Variants in APOBEC3D observed in about 807,000 individuals in gnomAD.
APOBEC3D encodes the protein DNA dC->dU-editing enzyme APOBEC-3D.
In APOBEC3D, 37 loss-of-function variants were observed where a neutral mutation model predicts 45.6. The observed-to-expected ratio is 0.81, with a 90% CI of 0.62 to 1.07. APOBEC3D has a LOEUF of 1.07. Among genes scored for constraint, APOBEC3D ranks in the 50% least tolerant of loss-of-function variants. APOBEC3D has a pLI of 0.00. For missense variants in APOBEC3D, 496 were observed against 495.3 expected, an observed-to-expected ratio of 1.00 and a Z score of -0.01; for synonymous variants, 175 against 180.7, an observed-to-expected ratio of 0.97 and a Z score of 0.25.
intron 4 of APOBEC3D, 92 bp downstream of exon 4, chr22:39,025,763 G>C: frequency 6.3e-7 from 1 of 1,586,392 alleles, no homozygotes; most frequent in Non-Finnish European, 8.6e-7. Context: ...CCTGCCCTCC[G>C]TCCTGCCCCC....
In APOBEC3D at chr22:39,025,324, C is replaced by T. The variant is rs772966727; in HGVS notation, c.465C>T (p.Ala155=). The T allele has an allele frequency of 2.5e-6, 4 of 1,613,932 alleles. No homozygotes were observed. In the African/African-American group the frequency reaches 4.0e-5, roughly 16 times the overall value. Residue 155 remains alanine (A), a synonymous_variant, in exon 3 of 7, where the codon GCC becomes GCT. Coordinates refer to ENST00000216099, the MANE Select transcript of APOBEC3D (RefSeq NM_152426.4). The part of the protein sequence containing the change: ...WVLLRLHKAG[A]RVKIMDYEDF... ...TCCTCAGGCTGCATAAGGCAGGGGC[C>T]CGTGTGAAGATCATGGACTATGAAG...
rs1237851563 is a variant in APOBEC3D at position 39,022,811 on chromosome 22, T to G, written c.18-11T>G. 1 of 1,601,182 alleles carries G rather than the reference T, an allele frequency of 6.2e-7. No individual in the cohort carries two copies. The highest frequency in any genetic ancestry group is 8.5e-7 in the Non-Finnish European group (1 of 1,174,680). ...TCCCTGCATGGGCCGGTTTCTCTCTTGTGCCTTCAGAAATCCGATGGAGCG... is the reference window on the plus strand; with the variant it reads ...TCCCTGCATGGGCCGGTTTCTCTCTGGTGCCTTCAGAAATCCGATGGAGCG... On this transcript the variant is annotated splice_polypyrimidine_tract_variant and intron_variant, in intron 1 of 6. Coordinates refer to ENST00000216099, the MANE Select transcript of APOBEC3D (RefSeq NM_152426.4).
At chr22:39,028,208 T>C (rs558520014) in intron 4 of APOBEC3D, among the ~76,000 whole-genome samples, 4 of 152,188 alleles carry the variant, frequency 2.6e-5, no homozygotes, top group South Asian at 2.1e-4. Context: ...ATTCACCTTT[T>C]AGAATGACAC....
intron 1 of APOBEC3D, among the ~76,000 whole-genome samples, chr22:39,022,243 C>T (rs1332106438): frequency 6.6e-6 from 1 of 152,236 alleles, no homozygotes; most frequent in Non-Finnish European, 1.5e-5. Context: ...TGGAAAGGGG[C>T]CCCTGCTCCA....
Position 39,025,543 on chromosome 22 carries a change from C to T in APOBEC3D, c.491-14C>T. The T allele has an allele frequency of 6.2e-7, 1 of 1,614,118 alleles. No homozygotes were observed. On this transcript the variant is annotated splice_polypyrimidine_tract_variant and intron_variant, in intron 3 of 6. Coordinates refer to ENST00000216099, the MANE Select transcript of APOBEC3D (RefSeq NM_152426.4). ...CAGGGGAGAGCCTGAGTGCTTCCCA[C>T]CTCTTCATCTCAGACTTTGCATACT...
Position 39,021,299 on chromosome 22 carries a change from GGTTTCTC to G in APOBEC3D, c.-220_-214del. The G allele has an allele frequency of 1.9e-6, 1 of 521,038 alleles. No individual in the cohort carries two copies. The highest frequency in any genetic ancestry group is 3.6e-6 in the Non-Finnish European group (1 of 280,742). The allele number at this position is 521,038 out of a possible 1,614,324, so 32.3% of individuals were successfully genotyped here. A position where few individuals can be genotyped will look rare whatever the true frequency, so the allele number is the denominator to read the frequency against. ...ATTTTTGTATTTTTAGTAGAGACGG[GGTTTCTC>G]CATGTTGGTCAGGCTGGTCTCGAAC... On this transcript the variant is annotated 5_prime_UTR_variant, in exon 1 of 7. Transcript: ENST00000216099.
Position 39,025,330 on chromosome 22 carries a change from GAAGATCATGGAC to G in APOBEC3D, c.472_483del (p.Lys158_Asp161del). The G allele has an allele frequency of 1.9e-6, 3 of 1,614,148 alleles. No individual in the cohort carries two copies. Among genetic ancestry groups the G allele is most frequent in the Non-Finnish European group, 2.5e-6 (3 of 1,180,012 alleles). On this transcript the variant is annotated inframe_deletion, in exon 3 of 7. Transcript: ENST00000216099. ...GGCTGCATAAGGCAGGGGCCCGTGT[GAAGATCATGGAC>G]TATGAAGGTGAGAGGTGCAGGGGTC... is the stretch of plus-strand genomic sequence containing the variant.
rs1454158120 is a variant in APOBEC3D, at chr22:39,032,574, C to A, written c.*258C>A. On this transcript the variant is annotated 3_prime_UTR_variant, in exon 7 of 7. Transcript: ENST00000216099. ...CCCTAACTTGACTCTTCCCATCTCC[C>A]CAGCATAACCAAATCTTTTTTTTTT... 19 of 1,218,906 alleles carry A rather than the reference C, an allele frequency of 1.6e-5. 1 individual carries two copies. The South Asian group carries it at 5.2e-4, about 33-fold the overall frequency. 75.5% of individuals were successfully genotyped at this position (1,218,906 alleles called of 1,614,324 possible). A position where few individuals can be genotyped will look rare whatever the true frequency, so the allele number is the denominator to read the frequency against.
At chr22:39,025,711 G>A (rs769445080) in intron 4 of APOBEC3D, 40 bp downstream of exon 4, 71 of 1,612,590 alleles carry the variant, frequency 4.4e-5, no homozygotes, top group African/African-American at 5.4e-5. Context: ...CTCTCCTCTC[G>A]CCTCCTGCTC....
At chr22:39,025,421 A>G (rs1234881702) in intron 3 of APOBEC3D, 72 bp downstream of exon 3, 1 of 1,612,844 alleles carries the variant, frequency 6.2e-7, no homozygotes, top group Non-Finnish European at 8.5e-7. Flanking sequence ...CTGCAATGCC[A>G]TGGCTGGGGG....
rs535434599 is a variant in APOBEC3D, at chr22:39,021,568, TC to T, written c.17+34del. Reference sequence around the variant, plus strand: ...CTGCCCACTATGTCCGCAGGGCCCCTCCGGCCCCTTCCTTCTGGTGGTCCTG... The same window carrying T: ...CTGCCCACTATGTCCGCAGGGCCCCTCGGCCCCTTCCTTCTGGTGGTCCTG... On this transcript the variant is annotated intron_variant, in intron 1 of 6. Coordinates refer to ENST00000216099, the MANE Select transcript of APOBEC3D (RefSeq NM_152426.4). The T allele has an allele frequency of 9.0e-4, 1,451 of 1,611,942 alleles. 3 individuals carry two copies. In the African/African-American group the frequency reaches 0.013, roughly 14 times the overall value.
Position 39,025,134 on chromosome 22 carries a change from T to C in APOBEC3D, c.275T>C (p.Leu92Pro), listed in dbSNP as rs1468348632. 7 of 1,613,222 alleles carry C rather than the reference T, an allele frequency of 4.3e-6. No homozygotes were observed. The highest frequency in any genetic ancestry group is 2.2e-5 in the East Asian group (1 of 44,870). ...CFLSWFCGNRLPANRRFQITW... is the reference protein window; with the variant it reads ...CFLSWFCGNRPPANRRFQITW... ...TTATCTTGGTTCTGTGGCAACCGAC[T>C]GCCTGCTAACAGGCGCTTCCAGATC... The change falls in exon 3 of 7, where the codon CTG becomes CCG. Residue 92 changes from leucine to proline, a missense_variant. Transcript: ENST00000216099.
intron 5 of APOBEC3D, 62 bp from the exon 6 acceptor site, chr22:39,031,631 AC>A: frequency 6.3e-7 from 1 of 1,591,784 alleles, no homozygotes; most frequent in South Asian, 1.1e-5. Context: ...CCATCGCCCC[AC>A]CCCTACACTC....
intron 1 of APOBEC3D, among the ~76,000 whole-genome samples, chr22:39,022,230 G>A (rs549951243): frequency 1.4e-3 from 209 of 152,352 alleles, no homozygotes; most frequent in Non-Finnish European, 2.2e-3. Flanking sequence ...CACAGGGCTG[G>A]CCTGGAAAGG....
intron 5 of APOBEC3D, 101 bp downstream of exon 5, chr22:39,029,620 A>T: frequency 1.5e-6 from 2 of 1,356,658 alleles, no homozygotes; most frequent in Non-Finnish European, 2.0e-6. Context: ...TGCTATGTGT[A>T]CTTTCCTCTT....
intron 5 of APOBEC3D, among the ~76,000 whole-genome samples, chr22:39,031,403 A>G (rs1926200499): frequency 6.6e-6 from 1 of 152,152 alleles, no homozygotes; most frequent in Non-Finnish European, 1.5e-5. Flanking sequence ...CTCCGTCTCC[A>G]CAAAAATTAC....
rs931711540 is a variant in APOBEC3D at position 39,021,193 on chromosome 22, C to G, written c.-327C>G. The G allele has an allele frequency of 4.9e-5, 13 of 265,482 alleles. No homozygotes were observed. Among genetic ancestry groups the G allele is most frequent in the African/African-American group, 2.6e-4 (12 of 45,284 alleles). 16.4% of individuals were successfully genotyped at this position (265,482 alleles called of 1,614,324 possible). Reference sequence around the variant, plus strand: ...CAGGAACTTGGCTCACTGCAACCTCCGCTTCCCAGGTTCAAGTGATTCTCC... The same window carrying G: ...CAGGAACTTGGCTCACTGCAACCTCGGCTTCCCAGGTTCAAGTGATTCTCC... On this transcript the variant is annotated 5_prime_UTR_variant, in exon 1 of 7. Transcript: ENST00000216099.
chr22:39,024,521 G>A, intron 2 of APOBEC3D, among the ~76,000 whole-genome samples: 1 of 152,192 alleles, frequency 6.6e-6, no homozygotes, highest in East Asian at 1.9e-4. Flanking sequence ...CTGAGACGGG[G>A]ACATTTACAG....
Position 39,032,589 on chromosome 22 carries a change from C to CTT in APOBEC3D, c.*294_*295dup, listed in dbSNP as rs34108294. 1.9e-3 allele frequency: 1,677 copies of CTT among 884,730 alleles called. No homozygotes were observed. Among genetic ancestry groups the CTT allele is most frequent in the Middle Eastern group, 2.3e-3 (4 of 1,740 alleles). The allele number at this position is 884,730 out of a possible 1,614,324, so 54.8% of individuals were successfully genotyped here. A position where few individuals can be genotyped will look rare whatever the true frequency, so the allele number is the denominator to read the frequency against. The stretch of plus-strand genomic sequence containing the variant: ...TCCCATCTCCCCAGCATAACCAAAT[C>CTT]TTTTTTTTTTTTTTTTTTTTTTGAG... On this transcript the variant is annotated 3_prime_UTR_variant, in exon 7 of 7. Transcript: ENST00000216099.
Sources: gnomAD v4.1 joint callset for allele counts (sites outside exome capture counted in the v4.1 genomes callset) on GRCh38, gnomAD v4.1.1 for gene constraint, MANE v1.5 for transcripts, NCBI Gene and HGNC (gene_info 2026-07-23, HGNC 2026-07-21) for gene names.